KIFBP: variants seen among roughly 807,000 people sequenced by gnomAD.
The protein encoded by KIFBP is KIF-binding protein.
In KIFBP, 46 loss-of-function variants were observed where a neutral mutation model predicts 58.9. The ratio of observed to expected loss-of-function variants is 0.78; its 90% CI spans 0.62 to 1.00. The LOEUF is 1.00. Among genes scored for constraint, KIFBP ranks in the 50% least tolerant of loss-of-function variants. The probability of loss-of-function intolerance (pLI) is 0.00; values close to 1 mark genes in which losing one functional copy is unlikely to be tolerated. For missense variants in KIFBP, 651 were observed against 752.9 expected (o/e 0.86, Z 1.58); for synonymous variants, 241 against 283.4 (o/e 0.85, Z 1.50).
intron 6 of KIFBP, among the ~76,000 whole-genome samples, chr10:69,011,721 G>GTTT (rs1843595732): frequency 1.0e-5 from 1 of 98,420 alleles, no homozygotes; most frequent in African/African-American, 4.3e-5. Context: ...TTGAGACGGA[G>GTTT]TTTTGCTCTG....
chr10:68,991,695 C>T (rs977292632), intron 1 of KIFBP: 1 of 169,310 alleles, frequency 5.9e-6, no homozygotes, highest in African/African-American at 2.4e-5. Context: ...GGCTGTGGGC[C>T]TGAGAGTGGG....
intron 2 of KIFBP, among the ~76,000 whole-genome samples, chr10:69,002,926 A>C (rs1338286199): frequency 7.0e-6 from 1 of 143,304 alleles, no homozygotes; most frequent in Non-Finnish European, 1.5e-5. Flanking sequence ...AAAATGTAAA[A>C]GCTGAACACG....
intron 4 of KIFBP, among the ~76,000 whole-genome samples, chr10:69,008,387 A>ATATATATAT (rs1554843393): frequency 1.7e-5 from 1 of 60,150 alleles, no homozygotes; most frequent in African/African-American, 8.7e-5. Flanking sequence ...TAAAAAAAAA[A>ATATATATAT]AAAAATATAT....
At chr10:68,989,484 G>A in intron 1 of KIFBP, 1 of 597,178 alleles carries the variant, frequency 1.7e-6, no homozygotes, top group South Asian at 2.0e-5. Flanking sequence ...CAGACTCCGT[G>A]TCCACCCTCG....
chr10:69,005,656 G>C (rs1264193603), intron 3 of KIFBP, 76 bp from the exon 4 acceptor site: 1 of 1,157,534 alleles, frequency 8.6e-7, no homozygotes, highest in African/African-American at 1.5e-5. Context: ...CTGGGCAACA[G>C]AGCGAGACTC....
intron 6 of KIFBP, among the ~76,000 whole-genome samples, chr10:69,013,313 G>A (rs1427790356): frequency 2.6e-5 from 4 of 152,148 alleles, no homozygotes; most frequent in Non-Finnish European, 4.4e-5. Context: ...CATAGGTCTT[G>A]AAAAGATGAA....
rs189924940 is a variant in KIFBP at position 68,998,944 on chromosome 10, T to G, written c.427-1480T>G. 4.8e-3 allele frequency among the ~76,000 whole-genome samples: 716 copies of G among 150,630 alleles called. 4 individuals are homozygous for G. The highest frequency in any genetic ancestry group is 0.017 in the African/African-American group (679 of 41,044). On this transcript the variant is annotated intron_variant, in intron 1 of 6. Coordinates refer to ENST00000361983, the MANE Select transcript of KIFBP (RefSeq NM_015634.4). ...GCATCTGCCACCACACTCGGCTAAATTTTTTTTGTATTTTTCAGTAGAGAT... is the reference window on the plus strand; with the variant it reads ...GCATCTGCCACCACACTCGGCTAAAGTTTTTTTGTATTTTTCAGTAGAGAT...
At chr10:69,010,209 G>A (rs1843576397) in intron 5 of KIFBP, among the ~76,000 whole-genome samples, 1 of 152,050 alleles carries the variant, frequency 6.6e-6, no homozygotes, top group Non-Finnish European at 1.5e-5. Context: ...TATATTGTTG[G>A]TTGGCATATT....
At chr10:68,999,620 G>A (rs1843442922) in intron 1 of KIFBP, 1 of 152,102 alleles carries the variant, frequency 6.6e-6, no homozygotes, top group Non-Finnish European at 1.5e-5. Context: ...TACTCACATG[G>A]TTGTTGGCAG....
intron 4 of KIFBP, chr10:69,007,624 T>C (rs1226860196): frequency 6.6e-6 from 1 of 152,256 alleles, no homozygotes; most frequent in African/African-American, 2.4e-5. Context: ...TTTTTATCTA[T>C]AGATGTTGCT....
rs144158393 is a variant in KIFBP at position 68,999,560 on chromosome 10, C to A, written c.427-864C>A. Among the ~76,000 whole-genome samples, 418 of 152,256 alleles carry A rather than the reference C, an allele frequency of 2.7e-3. 3 individuals carry two copies. Among genetic ancestry groups the A allele is most frequent in the African/African-American group, 9.6e-3 (399 of 41,548 alleles). ...ACATCATATTGTTGACCTGCTGGGG[C>A]TCGCAGTAATACTTGAAGACTGGGA... is the stretch of plus-strand genomic sequence containing the variant. On this transcript the variant is annotated intron_variant, in intron 1 of 6. Transcript: ENST00000361983.
chr10:69,007,475 C>G (rs189307046), intron 4 of KIFBP, among the ~76,000 whole-genome samples: 18 of 152,292 alleles, frequency 1.2e-4, no homozygotes, highest in African/African-American at 3.6e-4. Context: ...ACTCACTGTT[C>G]TAGCAGTGGT....
At chr10:68,997,307 C>T (rs180740343) in intron 1 of KIFBP, among the ~76,000 whole-genome samples, 1 of 152,272 alleles carries the variant, frequency 6.6e-6, no homozygotes, top group East Asian at 1.9e-4. Flanking sequence ...TGTCCCCACC[C>T]AAATCTCATG....
At chr10:69,014,548 T>C (rs1162033511) in intron 6 of KIFBP, among the ~76,000 whole-genome samples, 1 of 152,200 alleles carries the variant, frequency 6.6e-6, no homozygotes. Flanking sequence ...ATTGTTGTCT[T>C]CATCTTCTGA....
rs144317643 is a variant in KIFBP at position 69,000,522 on chromosome 10, G to C, written c.525G>C (p.Glu175Asp). ...SEALYNQYMKEVGSPPLDPTE... is the reference protein window; with the variant it reads ...SEALYNQYMKDVGSPPLDPTE... ...CACTATATAATCAGTATATGAAAGAGGTATGTTACATGTCAGATGAGTTTT... is the reference window on the plus strand; with the variant it reads ...CACTATATAATCAGTATATGAAAGACGTATGTTACATGTCAGATGAGTTTT... Residue 175 changes from glutamate (E) to aspartate (D), a missense_variant and splice_region_variant, in exon 2 of 7, where the codon GAG (glutamate) becomes GAC (aspartate). By Grantham distance (45) the Glu-to-Asp change is conservative. Transcript: ENST00000361983. 1 of 1,559,738 alleles carries C rather than the reference G, an allele frequency of 6.4e-7. No homozygotes were observed. The highest frequency in any genetic ancestry group is 8.8e-7 in the Non-Finnish European group (1 of 1,130,888).
intron 4 of KIFBP, among the ~76,000 whole-genome samples, chr10:69,006,652 A>G (rs1411137931): frequency 2.0e-5 from 3 of 152,204 alleles, no homozygotes; most frequent in Admixed American, 1.3e-4. Flanking sequence ...TCTCAGCAAT[A>G]TAAATTACTT....
chr10:69,015,308 T>C (rs1425077817), intron 6 of KIFBP: 2 of 487,322 alleles, frequency 4.1e-6, no homozygotes, highest in Admixed American at 3.6e-5. Flanking sequence ...GAATAAATGA[T>C]ATGTAAGCAG....
intron 1 of KIFBP, among the ~76,000 whole-genome samples, chr10:68,992,803 G>T (rs963950386): frequency 6.6e-6 from 1 of 152,026 alleles, no homozygotes; most frequent in East Asian, 1.9e-4. Context: ...GTCTCTTTTT[G>T]TTTTGTTTTC....
chr10:68,998,769 A>AT lies in KIFBP; in HGVS notation c.427-1654dup, dbSNP rs1214183378. 3.7e-3 allele frequency among the ~76,000 whole-genome samples: 375 copies of AT among 101,324 alleles called. 3 individuals carry two copies. The East Asian group carries it at 0.053, about 14-fold the overall frequency. The allele number at this position is 101,324 out of a possible 152,430, so 66.5% of individuals were successfully genotyped here. The stretch of plus-strand genomic sequence containing the variant: ...TACATACATATATGTATATATATAT[A>AT]TATTTTTTTTTTTTTTTTTTTTTTG... On this transcript the variant is annotated intron_variant, in intron 1 of 6. Coordinates refer to ENST00000361983, the MANE Select transcript of KIFBP (RefSeq NM_015634.4).
Sources: gnomAD v4.1 joint callset for allele counts (sites outside exome capture counted in the v4.1 genomes callset) on GRCh38, gnomAD v4.1.1 for gene constraint, MANE v1.5 for transcripts, NCBI Gene and HGNC (gene_info 2026-07-23, HGNC 2026-07-21) for gene names.